The following NFIA variants were observed in gnomAD, a reference collection of about 807,000 sequenced individuals.
NFIA encodes the protein nuclear factor I A.
NFIA carries 8 observed loss-of-function variants against 62.8 expected under a neutral mutation model. The ratio of observed to expected loss-of-function variants is 0.13; its 90% CI spans 0.07 to 0.23. NFIA has a LOEUF of 0.23. NFIA is among the 10% of genes least tolerant of loss of function. The pLI, the probability that NFIA is intolerant of heterozygous loss-of-function variation, is 1.00. For synonymous variants in NFIA, 235 were observed against 238.1 expected (o/e 0.99, Z 0.12); for missense variants, 410 against 642.1 (o/e 0.64, Z 3.91).
rs1646266538 is a variant in NFIA, at chr1:61,088,848, A to C, written c.559+168A>C. 6.6e-6 allele frequency among the ~76,000 whole-genome samples: 1 copy of C among 152,188 alleles called. No individual in the cohort carries two copies. The highest frequency in any genetic ancestry group is 1.5e-5 in the Non-Finnish European group (1 of 68,024). ...GGTGCCACCTTCATTCAGGTGAAAA[A>C]GCATAGCTTTGAGCGAATTCTCACT... is the stretch of plus-strand genomic sequence containing the variant. On this transcript the variant is annotated intron_variant, in intron 2 of 10. Transcript: ENST00000403491. The surrounding 1 kb of genome is among the most constrained non-coding windows in gnomAD (Gnocchi z 4.5).
At chr1:61,406,805 A>G (rs1665861230) in intron 9 of NFIA, 78 bp downstream of exon 9, 1 of 1,430,530 alleles carries the variant, frequency 7.0e-7, no homozygotes, top group Non-Finnish European at 9.4e-7. Flanking sequence ...TTTGTCCCTC[A>G]CTGTATAGGC....
intron 2 of NFIA, among the ~76,000 whole-genome samples, chr1:61,176,559 A>G (rs1650359952): frequency 6.6e-6 from 1 of 152,042 alleles, no homozygotes; most frequent in Admixed American, 6.5e-5. Context: ...TTTTTCATAT[A>G]AAATTTATTG....
chr1:61,081,826 G>C, upstream of NFIA: 1 of 1,497,046 alleles, frequency 6.7e-7, no homozygotes, highest in Non-Finnish European at 8.9e-7. Context: ...CTCTGCCGAC[G>C]AATCTATTCC....
intron 9 of NFIA, 118 bp from the exon 10 acceptor site, chr1:61,426,347 G>C: frequency 1.4e-6 from 1 of 708,204 alleles, no homozygotes; most frequent in Admixed American, 2.1e-5. Flanking sequence ...GCTAGCTACA[G>C]TGTTTGCACA....
chr1:61,213,688 G>A (rs1172091577), intron 2 of NFIA, among the ~76,000 whole-genome samples: 1 of 152,088 alleles, frequency 6.6e-6, no homozygotes, highest in Non-Finnish European at 1.5e-5. Context: ...GGACACAAGG[G>A]GTTTCATAAA....
intron 2 of NFIA, among the ~76,000 whole-genome samples, chr1:61,176,247 T>C (rs566097655): frequency 1.3e-5 from 2 of 152,344 alleles, no homozygotes; most frequent in South Asian, 2.1e-4. Flanking sequence ...GCCATACTTA[T>C]CTTTTACCGG....
chr1:61,425,001 T>C (rs2100552412), intron 9 of NFIA, among the ~76,000 whole-genome samples: 1 of 152,282 alleles, frequency 6.6e-6, no homozygotes, highest in East Asian at 1.9e-4. Flanking sequence ...ATATCATACA[T>C]TTAGATCATT....
At chr1:61,288,581 A>G (rs376346503) in intron 3 of NFIA, among the ~76,000 whole-genome samples, 1 of 152,342 alleles carries the variant, frequency 6.6e-6, no homozygotes, top group East Asian at 1.9e-4. Context: ...GCTCACAATC[A>G]TTGTGGACTT....
chr1:61,146,277 C>T (rs931578827), intron 2 of NFIA, among the ~76,000 whole-genome samples: 4 of 152,140 alleles, frequency 2.6e-5, no homozygotes, highest in African/African-American at 9.7e-5. Context: ...AACTTGATCA[C>T]AGCTGCAGAG....
At chr1:61,325,666 C>G (rs577124336) in intron 3 of NFIA, among the ~76,000 whole-genome samples, 4 of 152,046 alleles carry the variant, frequency 2.6e-5, no homozygotes, top group Non-Finnish European at 5.9e-5. Context: ...CGCCTGTAAT[C>G]CCAGCACTTT....
chr1:61,444,920 T>C (rs1332747999), intron 10 of NFIA, among the ~76,000 whole-genome samples: 1 of 152,290 alleles, frequency 6.6e-6, no homozygotes, highest in East Asian at 1.9e-4. Flanking sequence ...ACAGTAGAGG[T>C]GTGGGACCGT....
intron 3 of NFIA, among the ~76,000 whole-genome samples, chr1:61,304,104 C>T (rs781345167): frequency 6.6e-6 from 1 of 152,048 alleles, no homozygotes; most frequent in Non-Finnish European, 1.5e-5. Flanking sequence ...GATGAAACCC[C>T]GTGTCTACTG....
intron 2 of NFIA, among the ~76,000 whole-genome samples, chr1:61,223,969 G>A (rs1654171813): frequency 6.6e-6 from 1 of 152,004 alleles, no homozygotes; most frequent in African/African-American, 2.4e-5. Context: ...ATTACCAGAG[G>A]GTTCTTGCCT....
chr1:61,244,329 A>G (rs12144118), intron 2 of NFIA, among the ~76,000 whole-genome samples: 1 of 152,194 alleles, frequency 6.6e-6, no homozygotes, highest in East Asian at 1.9e-4. Context: ...ATTCACTGCC[A>G]AAATGAGTCA....
intron 8 of NFIA, among the ~76,000 whole-genome samples, chr1:61,405,082 A>G (rs1374600470): frequency 1.3e-5 from 2 of 152,232 alleles, no homozygotes; most frequent in African/African-American, 2.4e-5. Flanking sequence ...GCATGAAGTC[A>G]CAGACTAGCC....
chr1:61,372,576 T>TAA lies in NFIA; in HGVS notation c.947-10650_947-10649dup, dbSNP rs71244589. Among the ~76,000 whole-genome samples, 909 of 139,884 alleles carry TAA rather than the reference T, an allele frequency of 6.5e-3. 11 individuals carry two copies. The highest frequency in any genetic ancestry group is 0.039 in the East Asian group (195 of 5,034). The allele number at this position is 139,884 out of a possible 152,430, so 91.8% of individuals were successfully genotyped here. On this transcript the variant is annotated intron_variant, in intron 6 of 10. Coordinates refer to ENST00000403491, the MANE Select transcript of NFIA (RefSeq NM_001134673.4). ...CTTGTTTCTGATATGTCATTGTTGT[T>TAA]AAAAAAAAAAAAGCAAACTATTTTG...
intron 2 of NFIA, among the ~76,000 whole-genome samples, chr1:61,235,463 A>AAAT (rs1654937930): frequency 8.2e-6 from 1 of 121,528 alleles, no homozygotes; most frequent in African/African-American, 3.6e-5. Context: ...ACTCCATCTC[A>AAAT]AAATAAATAA....
chr1:61,103,107 T>C (rs1224766509), intron 2 of NFIA, among the ~76,000 whole-genome samples: 1 of 152,208 alleles, frequency 6.6e-6, no homozygotes, highest in African/African-American at 2.4e-5. Flanking sequence ...TAAATTACCT[T>C]TTGTGGTTGA....
intron 9 of NFIA, among the ~76,000 whole-genome samples, chr1:61,410,680 G>A (rs145113324): frequency 1.3e-5 from 2 of 152,254 alleles, no homozygotes; most frequent in East Asian, 1.9e-4. Flanking sequence ...AGGAGGCGGG[G>A]CAGATTGCTT....
Sources: gnomAD v4.1 joint callset for allele counts (sites outside exome capture counted in the v4.1 genomes callset) on GRCh38, gnomAD v4.1.1 for gene constraint, Gnocchi (gnomAD v3.1) non-coding constraint, MANE v1.5 for transcripts, NCBI Gene and HGNC (gene_info 2026-07-23, HGNC 2026-07-21) for gene names.